The following SEMA3A variants were observed in gnomAD, a reference collection of about 807,000 sequenced individuals.
SEMA3A encodes the protein semaphorin 3A, also known as semaphorin-3A.
Under a neutral mutation model 97.9 loss-of-function variants are expected in SEMA3A, and 29 were observed. The ratio of observed to expected loss-of-function variants is 0.30; its 90% confidence interval spans 0.22 to 0.40. The LOEUF is 0.40. Ranked by LOEUF, SEMA3A falls within the 10% of genes least tolerant of loss-of-function variation. The probability of loss-of-function intolerance (pLI) is 1.00; values close to 1 mark genes in which losing one functional copy is unlikely to be tolerated. For missense variants in SEMA3A, 763 were observed against 951.3 expected, an observed-to-expected ratio of 0.80 and a Z score of 2.60; for synonymous variants, 321 against 323.7, an observed-to-expected ratio of 0.99 and a Z score of 0.09.
intron 1 of SEMA3A, among the ~76,000 whole-genome samples, chr7:84,463,815 T>C (rs1372988728): frequency 6.6e-6 from 1 of 152,086 alleles, no homozygotes; most frequent in African/African-American, 2.4e-5. Context: ...CCTTCCTTCC[T>C]TTTCCCATAA....
intron 14 of SEMA3A, among the ~76,000 whole-genome samples, chr7:83,980,868 T>A (rs1409956294): frequency 1.3e-5 from 2 of 151,926 alleles, no homozygotes; most frequent in African/African-American, 2.4e-5. Flanking sequence ...CATATTAAAA[T>A]GTAATATTTT....
intron 3 of SEMA3A, among the ~76,000 whole-genome samples, chr7:84,237,220 A>T (rs1192791988): frequency 6.6e-6 from 1 of 152,184 alleles, no homozygotes; most frequent in Non-Finnish European, 1.5e-5. Flanking sequence ...AAAGACAAAC[A>T]TATGTAGGTA....
intron 1 of SEMA3A, among the ~76,000 whole-genome samples, chr7:84,402,445 A>G (rs1376672032): frequency 6.6e-6 from 1 of 152,180 alleles, no homozygotes; most frequent in Non-Finnish European, 1.5e-5. Flanking sequence ...GACATTCCTC[A>G]AAAAACTATA....
chr7:84,218,407 T>A (rs1460529375), intron 3 of SEMA3A, among the ~76,000 whole-genome samples: 1 of 152,150 alleles, frequency 6.6e-6, no homozygotes, highest in African/African-American at 2.4e-5. Context: ...AATTACATGA[T>A]CTTATCTTCT....
intron 3 of SEMA3A, among the ~76,000 whole-genome samples, chr7:84,265,955 G>A (rs1435443606): frequency 6.6e-6 from 1 of 152,072 alleles, no homozygotes; most frequent in African/African-American, 2.4e-5. Flanking sequence ...AAATCCTAAA[G>A]AATTTGAATA....
intron 1 of SEMA3A, among the ~76,000 whole-genome samples, chr7:84,454,087 G>A (rs949153228): frequency 1.1e-4 from 17 of 152,148 alleles, no homozygotes; most frequent in African/African-American, 1.9e-4. Flanking sequence ...TAAAATATTC[G>A]CCTCAATTCT....
At chr7:84,378,556 C>T (rs181860889) in intron 1 of SEMA3A, among the ~76,000 whole-genome samples, 4 of 151,880 alleles carry the variant, frequency 2.6e-5, no homozygotes, top group African/African-American at 4.8e-5. Context: ...TGGGGCCTTT[C>T]GGGGTGTTGG....
intron 1 of SEMA3A, among the ~76,000 whole-genome samples, chr7:84,412,997 G>T (rs1804313811): frequency 6.6e-6 from 1 of 151,524 alleles, no homozygotes; most frequent in Non-Finnish European, 1.5e-5. Context: ...CAAATTTAAG[G>T]AATTCAACAA....
At chr7:83,997,654 C>T (rs996681721) in intron 12 of SEMA3A, among the ~76,000 whole-genome samples, 3 of 151,792 alleles carry the variant, frequency 2.0e-5, no homozygotes, top group Non-Finnish European at 4.4e-5. Flanking sequence ...AATCTTTTTC[C>T]AAAATTGTAA....
chr7:84,308,639 A>C (rs933417864), intron 2 of SEMA3A, among the ~76,000 whole-genome samples: 2 of 152,064 alleles, frequency 1.3e-5, no homozygotes, highest in African/African-American at 4.8e-5. Context: ...TTGGTGGAAG[A>C]CTTCTCTAAG....
intron 1 of SEMA3A, among the ~76,000 whole-genome samples, chr7:84,463,362 C>T (rs937576826): frequency 6.7e-6 from 1 of 149,902 alleles, no homozygotes; most frequent in African/African-American, 2.5e-5. Flanking sequence ...CATTCTCCTG[C>T]CTCAGCCTCC....
chr7:84,330,575 A>T (rs912497083), intron 2 of SEMA3A, among the ~76,000 whole-genome samples: 1 of 152,082 alleles, frequency 6.6e-6, no homozygotes, highest in South Asian at 2.1e-4. Context: ...TTCATCTCTT[A>T]TCACTGGAAG....
chr7:84,440,957 G>A (rs1469460144), intron 1 of SEMA3A, among the ~76,000 whole-genome samples: 5 of 152,144 alleles, frequency 3.3e-5, no homozygotes, highest in South Asian at 2.1e-4. Context: ...TCGGGAGTTC[G>A]AGACCAGCCT....
chr7:84,325,753 T>A (rs914305393), intron 2 of SEMA3A, among the ~76,000 whole-genome samples: 1 of 152,140 alleles, frequency 6.6e-6, no homozygotes, highest in Admixed American at 6.6e-5. Flanking sequence ...ATTGAATATA[T>A]TCAAGGAATA....
chr7:84,279,737 G>C (rs1800391281), intron 3 of SEMA3A, among the ~76,000 whole-genome samples: 1 of 152,098 alleles, frequency 6.6e-6, no homozygotes, highest in South Asian at 2.1e-4. Flanking sequence ...ATATGAAATA[G>C]TAGACTATAT....
chr7:84,309,515 C>T (rs570345232), intron 2 of SEMA3A, among the ~76,000 whole-genome samples: 1 of 152,158 alleles, frequency 6.6e-6, no homozygotes, highest in African/African-American at 2.4e-5. Flanking sequence ...CCTCTCTGAC[C>T]CAGCAAAGGG....
chr7:84,081,364 G>C (rs942521924), intron 4 of SEMA3A, among the ~76,000 whole-genome samples: 7 of 152,156 alleles, frequency 4.6e-5, no homozygotes, highest in Non-Finnish European at 1.0e-4. Context: ...AGGCCAAGGA[G>C]GGCGGATCAC....
At chr7:84,344,412 G>C (rs933314162) in intron 2 of SEMA3A, among the ~76,000 whole-genome samples, 1 of 152,142 alleles carries the variant, frequency 6.6e-6, no homozygotes, top group African/African-American at 2.4e-5. Flanking sequence ...ATTGCACCAA[G>C]GTGTTGCTTG....
At chr7:84,177,946 T>C (rs1422785715) in intron 1 of SEMA3A, among the ~76,000 whole-genome samples, 1 of 152,150 alleles carries the variant, frequency 6.6e-6, no homozygotes, top group African/African-American at 2.4e-5. Context: ...TGTATACATA[T>C]TGGCTTAGTC....
Sources: gnomAD v4.1 joint callset for allele counts (sites outside exome capture counted in the v4.1 genomes callset) on GRCh38, gnomAD v4.1.1 for gene constraint, MANE v1.5 for transcripts, NCBI Gene and HGNC (gene_info 2026-07-23, HGNC 2026-07-21) for gene names.